DPY19L4: variants seen among roughly 807,000 people sequenced by gnomAD.
DPY19L4 encodes the protein dpy-19 like 4, also known as probable C-mannosyltransferase DPY19L4.
In DPY19L4, 97 loss-of-function variants were observed where a neutral mutation model predicts 102.8. That is an observed-to-expected ratio of 0.94 (90% CI 0.80 to 1.12). The LOEUF is 1.12. DPY19L4 is among the 50% of genes most tolerant of loss of function. The pLI is 0.00. For synonymous variants in DPY19L4, 252 were observed against 283.1 expected (o/e 0.89, Z 1.10); for missense variants, 815 against 850.4 (o/e 0.96, Z 0.52).
At chr8:94,788,408 G>C (rs946559559) in intron 18 of DPY19L4, among the ~76,000 whole-genome samples, 2 of 151,994 alleles carry the variant, frequency 1.3e-5, no homozygotes, top group Non-Finnish European at 2.9e-5. Context: ...AGAGCAACTG[G>C]TTACCTTGTT....
intron 6 of DPY19L4, among the ~76,000 whole-genome samples, chr8:94,740,750 C>T (rs1195892812): frequency 6.6e-6 from 1 of 152,134 alleles, no homozygotes; most frequent in South Asian, 2.1e-4. Flanking sequence ...CCACTGCGCC[C>T]GGCTGCAATA....
rs370331089 is a variant in DPY19L4, at chr8:94,739,500, T to C, written c.431T>C (p.Ile144Thr). ...CAAATGTCTCTGTATCCGGAACTTATTGCTAGCATTTTATATCAAGCCACT... is the reference window on the plus strand; with the variant it reads ...CAAATGTCTCTGTATCCGGAACTTACTGCTAGCATTTTATATCAAGCCACT... The part of the protein sequence containing the change: ...VQQMSLYPEL[I>T]ASILYQATGS... Residue 144 changes from isoleucine (I) to threonine (T), a missense_variant, in exon 5 of 19, where the codon ATT becomes ACT. Physicochemically the swap from Ile to Thr is moderately conservative, Grantham distance 89 (BLOSUM62 -1). Transcript: ENST00000414645. 1.3e-5 allele frequency: 21 copies of C among 1,607,342 alleles called. No homozygotes were observed. The highest frequency in any genetic ancestry group is 8.1e-5 in the African/African-American group (6 of 74,474).
At chr8:94,722,348 A>G (rs973382728) in intron 1 of DPY19L4, among the ~76,000 whole-genome samples, 2 of 152,080 alleles carry the variant, frequency 1.3e-5, no homozygotes, top group Non-Finnish European at 2.9e-5. Context: ...CCGAGGTTGC[A>G]GTGAGACGAG....
chr8:94,771,420 T>C (rs1812930684), intron 13 of DPY19L4, among the ~76,000 whole-genome samples: 1 of 152,234 alleles, frequency 6.6e-6, no homozygotes, highest in African/African-American at 2.4e-5. Flanking sequence ...TGCTAGGTGC[T>C]AAAGGTACCT....
intron 6 of DPY19L4, among the ~76,000 whole-genome samples, chr8:94,749,932 AC>A (rs1410204546): frequency 6.6e-6 from 1 of 152,206 alleles, no homozygotes; most frequent in Non-Finnish European, 1.5e-5. Flanking sequence ...ATCAATAATT[AC>A]TATATAAAAA....
chr8:94,788,597 T>C (rs1487612801), intron 18 of DPY19L4, among the ~76,000 whole-genome samples: 4 of 152,092 alleles, frequency 2.6e-5, no homozygotes, highest in Admixed American at 1.3e-4. Flanking sequence ...TCGGCTGTTT[T>C]ACCAAGCTGT....
In DPY19L4 at chr8:94,748,937, T is replaced by A. The variant is rs185713134; in HGVS notation, c.612-7099T>A. ...TAAAGAAATACCTAAGACTGGGAAATTTACAAAAGAAAAAGGTTTAATGGA... is the reference window on the plus strand; with the variant it reads ...TAAAGAAATACCTAAGACTGGGAAAATTACAAAAGAAAAAGGTTTAATGGA... On this transcript the variant is annotated intron_variant, in intron 6 of 18. Transcript: ENST00000414645. Among the ~76,000 whole-genome samples, 17 of 152,216 alleles carry A rather than the reference T, an allele frequency of 1.1e-4. No homozygotes were observed. In the East Asian group the frequency reaches 3.1e-3, roughly 28 times the overall value.
chr8:94,777,638 C>T (rs1813243027), intron 13 of DPY19L4, 28 bp from the exon 14 acceptor site: 1 of 1,604,950 alleles, frequency 6.2e-7, no homozygotes, highest in Non-Finnish European at 8.5e-7. Context: ...CAGGATGTCT[C>T]ATGTATGACT....
intron 1 of DPY19L4, among the ~76,000 whole-genome samples, chr8:94,721,497 AT>A (rs1289104156): frequency 6.6e-6 from 1 of 152,170 alleles, no homozygotes; most frequent in African/African-American, 2.4e-5. Flanking sequence ...ATGTAATTCC[AT>A]TTGTTTACTT....
rs1586411216 is a variant in DPY19L4, at chr8:94,776,217, A to T, written c.1455-1449A>T. Among the ~76,000 whole-genome samples the T allele has an allele frequency of 4.6e-5, 7 of 152,004 alleles. No homozygotes were observed. In the South Asian group the frequency reaches 1.5e-3, roughly 32 times the overall value. ...CCAGCTAATTTTTTGCATTTTTAATAGAGACGGGGTTTCACCGTGTTGCCC... is the reference window on the plus strand; with the variant it reads ...CCAGCTAATTTTTTGCATTTTTAATTGAGACGGGGTTTCACCGTGTTGCCC... On this transcript the variant is annotated intron_variant, in intron 13 of 18. Transcript: ENST00000414645.
intron 13 of DPY19L4, among the ~76,000 whole-genome samples, chr8:94,773,962 G>A (rs558296266): frequency 6.7e-6 from 1 of 149,386 alleles, no homozygotes; most frequent in South Asian, 2.1e-4. Context: ...TTCAGCCTGG[G>A]AGTTTTAGGC....
intron 2 of DPY19L4, 66 bp from the exon 3 acceptor site, chr8:94,734,564 C>T (rs1811111254): frequency 6.7e-7 from 1 of 1,499,744 alleles, no homozygotes; most frequent in Non-Finnish European, 9.0e-7. Context: ...GGTAGAATGC[C>T]ATTTTTAATT....
chr8:94,761,028 G>A (rs766874180), intron 7 of DPY19L4, among the ~76,000 whole-genome samples: 2 of 152,196 alleles, frequency 1.3e-5, no homozygotes, highest in Non-Finnish European at 2.9e-5. Flanking sequence ...CTGTGGAATA[G>A]GCTGAGATGT....
At chr8:94,757,591 G>A (rs1386349034) in intron 7 of DPY19L4, among the ~76,000 whole-genome samples, 1 of 151,964 alleles carries the variant, frequency 6.6e-6, no homozygotes, top group Admixed American at 6.6e-5. Context: ...TGTATTTTTA[G>A]TAGAGACGGG....
intron 1 of DPY19L4, among the ~76,000 whole-genome samples, chr8:94,723,905 C>A (rs1810579294): frequency 6.6e-6 from 1 of 151,882 alleles, no homozygotes; most frequent in Non-Finnish European, 1.5e-5. Flanking sequence ...AATATAAGTT[C>A]TTGAGAGATG....
At chr8:94,768,882 G>A (rs1357760370) in intron 12 of DPY19L4, among the ~76,000 whole-genome samples, 1 of 151,272 alleles carries the variant, frequency 6.6e-6, no homozygotes, top group Non-Finnish European at 1.5e-5. Flanking sequence ...TAATAGCTGG[G>A]TGCGCCTGTA....
intron 2 of DPY19L4, among the ~76,000 whole-genome samples, chr8:94,729,633 G>A (rs1810852813): frequency 7.9e-6 from 1 of 126,246 alleles, no homozygotes; most frequent in Admixed American, 8.5e-5. Flanking sequence ...TTAAGCCTAG[G>A]CAATACAGTG....
chr8:94,775,236 A>G (rs1280206236), intron 13 of DPY19L4, among the ~76,000 whole-genome samples: 1 of 150,450 alleles, frequency 6.6e-6, no homozygotes, highest in East Asian at 2.0e-4. Context: ...TGGAGGCGCC[A>G]TCTCGACTCA....
At position 94,756,404 on chromosome 8, in the gene DPY19L4, A is replaced by T. The variant is rs555016479; in HGVS notation, c.735+245A>T. Among the ~76,000 whole-genome samples the T allele has an allele frequency of 9.2e-5, 14 of 152,350 alleles. No homozygotes were observed. The South Asian group carries it at 2.9e-3, about 32-fold the overall frequency. On this transcript the variant is annotated intron_variant, in intron 7 of 18. Coordinates refer to ENST00000414645, the MANE Select transcript of DPY19L4 (RefSeq NM_181787.3). ...TTAATATAGTTAACTTGACAAATAT[A>T]TGAAACATATCTTATTTTGAAAATC... is the stretch of plus-strand genomic sequence containing the variant.
Sources: allele counts gnomAD v4.1 joint callset (sites outside exome capture counted in the v4.1 genomes callset), GRCh38; gene constraint gnomAD v4.1.1; transcripts MANE v1.5; gene names NCBI Gene and HGNC (gene_info 2026-07-23, HGNC 2026-07-21).